TEKT5: variants seen among roughly 807,000 people sequenced by gnomAD.
The protein encoded by TEKT5 is tektin 5.
A neutral mutation model predicts 48.7 loss-of-function variants in TEKT5; 52 were observed. The ratio of observed to expected loss-of-function variants is 1.07; its 90% CI spans 0.86 to 1.35. The LOEUF is 1.35. Ranked by LOEUF, TEKT5 falls within the 40% of genes most tolerant of loss-of-function variation. The pLI is 0.00. For synonymous variants in TEKT5, 318 were observed against 267.6 expected (o/e 1.19, Z -1.84); for missense variants, 831 against 641.6 (o/e 1.30, Z -3.19).
chr16:10,637,899 C>T (rs1234493833), intron 5 of TEKT5, among the ~76,000 whole-genome samples: 1 of 152,228 alleles, frequency 6.6e-6, no homozygotes, highest in African/African-American at 2.4e-5. Flanking sequence ...CAGCCTCGAC[C>T]TCCAGGGCTC....
intron 5 of TEKT5, 136 bp from the exon 6 acceptor site, chr16:10,636,054 CT>C: frequency 7.4e-7 from 1 of 1,357,400 alleles, no homozygotes; most frequent in Non-Finnish European, 9.9e-7. Context: ...CCTTGAGCAC[CT>C]TTAGGGCAGG....
In TEKT5 at chr16:10,656,881, C is replaced by T. The variant is rs2142281614; in HGVS notation, c.1086+19078G>A. 2.0e-5 allele frequency among the ~76,000 whole-genome samples: 3 copies of T among 152,126 alleles called. No homozygotes were observed. The East Asian group carries it at 5.8e-4, about 29-fold the overall frequency. On this transcript the variant is annotated intron_variant, in intron 5 of 6. Transcript: ENST00000283025. ...TCCACCTCCTGAGTAGCTGGGACTA[C>T]AGATGCACACCACCATGCCTGGCTA... is the stretch of plus-strand genomic sequence containing the variant.
At chr16:10,628,441 G>C (rs992253341) in intron 6 of TEKT5, among the ~76,000 whole-genome samples, 2 of 152,196 alleles carry the variant, frequency 1.3e-5, no homozygotes, top group Non-Finnish European at 2.9e-5. Flanking sequence ...ATACCCAAAA[G>C]AACAGAAAAC....
Position 10,627,762 on chromosome 16 carries a change from G to C in TEKT5, c.1279C>G (p.Gln427Glu). 4 of 1,614,244 alleles carry C rather than the reference G, an allele frequency of 2.5e-6. No homozygotes were observed. The highest frequency in any genetic ancestry group is 2.5e-6 in the Non-Finnish European group (3 of 1,180,044). The change falls in exon 7 of 7, where the codon CAG becomes GAG. Residue 427 changes from glutamine to glutamate, a missense_variant. Physicochemically the swap from Gln to Glu is conservative, Grantham distance 29. Transcript: ENST00000283025. Reference sequence around the variant, plus strand: ...TCCCGCAGCCGCAGCTTGAGGGTCTGCAGGGTGTCGTCGATGGTGAACACC... The same window carrying C: ...TCCCGCAGCCGCAGCTTGAGGGTCTCCAGGGTGTCGTCGATGGTGAACACC... Reference protein sequence around the residue: ...NEVFTIDDTLQTLKLRLRETQ... With the variant: ...NEVFTIDDTLETLKLRLRETQ...
Position 10,638,283 on chromosome 16 carries a change from C to T in TEKT5, c.1087-2365G>A, listed in dbSNP as rs77250991. 6.9e-3 allele frequency among the ~76,000 whole-genome samples: 1,048 copies of T among 152,330 alleles called. 13 individuals are homozygous for T. The highest frequency in any genetic ancestry group is 0.024 in the African/African-American group (1,013 of 41,580). ...CAAACACCCGGAACTGAGACACTGG[C>T]ACTAAACGATGTCACCTGACCGTGA... On this transcript the variant is annotated intron_variant, in intron 5 of 6. Transcript: ENST00000283025.
At chr16:10,647,782 C>A (rs1034666505) in intron 5 of TEKT5, among the ~76,000 whole-genome samples, 10 of 152,196 alleles carry the variant, frequency 6.6e-5, no homozygotes, top group African/African-American at 2.4e-4. Context: ...ATCTTTTCTT[C>A]ATTCATTCAT....
At chr16:10,650,689 G>A (rs1898141379) in intron 5 of TEKT5, among the ~76,000 whole-genome samples, 1 of 151,922 alleles carries the variant, frequency 6.6e-6, no homozygotes, top group Admixed American at 6.6e-5. Context: ...TTCGAGACCA[G>A]CCTAGCCAAC....
intron 5 of TEKT5, among the ~76,000 whole-genome samples, chr16:10,642,680 A>G (rs534864117): frequency 1.4e-4 from 22 of 152,276 alleles, no homozygotes; most frequent in African/African-American, 4.6e-4. Context: ...TTGTTGTGTC[A>G]CTGGTCTGTT....
At chr16:10,688,969 G>A (rs1038338206) in intron 3 of TEKT5, among the ~76,000 whole-genome samples, 8 of 152,184 alleles carry the variant, frequency 5.3e-5, no homozygotes, top group Admixed American at 3.3e-4. Flanking sequence ...AGAAACCAGC[G>A]ATGCACGGGT....
chr16:10,663,596 G>A (rs534668856), intron 5 of TEKT5, among the ~76,000 whole-genome samples: 2 of 152,210 alleles, frequency 1.3e-5, no homozygotes, highest in South Asian at 2.1e-4. Flanking sequence ...GGAGGGACCC[G>A]GTCAGGGATT....
chr16:10,647,195 C>T (rs564921791), intron 5 of TEKT5, among the ~76,000 whole-genome samples: 5 of 151,828 alleles, frequency 3.3e-5, no homozygotes, highest in East Asian at 1.9e-4. Context: ...GTGGGCTGGG[C>T]GCGGTGGCTG....
At chr16:10,683,045 C>T (rs976578450) in intron 3 of TEKT5, among the ~76,000 whole-genome samples, 1 of 152,130 alleles carries the variant, frequency 6.6e-6, no homozygotes, top group Non-Finnish European at 1.5e-5. Context: ...ATGTACAGAA[C>T]AGAATGGTAA....
At chr16:10,673,446 C>T (rs1415659039) in intron 5 of TEKT5, among the ~76,000 whole-genome samples, 1 of 152,144 alleles carries the variant, frequency 6.6e-6, no homozygotes, top group African/African-American at 2.4e-5. Flanking sequence ...TTTGCCAACC[C>T]TGTCCTAGAG....
chr16:10,638,149 T>A (rs1254458130), intron 5 of TEKT5, among the ~76,000 whole-genome samples: 2 of 151,932 alleles, frequency 1.3e-5, no homozygotes, highest in Admixed American at 6.5e-5. Context: ...TCTGTGTGTT[T>A]GAAACTTTCC....
At chr16:10,672,869 T>C (rs565987374) in intron 5 of TEKT5, among the ~76,000 whole-genome samples, 2 of 152,076 alleles carry the variant, frequency 1.3e-5, no homozygotes, top group South Asian at 2.1e-4. Context: ...TTTTTTTTTT[T>C]TGAGACAAGA....
At position 10,682,108 on chromosome 16, in the gene TEKT5, C is replaced by T. The variant is rs920567768; in HGVS notation, c.748G>A (p.Glu250Lys). 6.2e-7 allele frequency: 1 copy of T among 1,614,146 alleles called. No individual in the cohort carries two copies. Among genetic ancestry groups the T allele is most frequent in the Non-Finnish European group, 8.5e-7 (1 of 1,180,018 alleles). Residue 250 changes from glutamate (E) to lysine (K), a missense_variant, in exon 4 of 7, where the codon GAG becomes AAG. Transcript: ENST00000283025. ...RDNRDAQHVLERDLEDKSSAQ... is the reference protein window; with the variant it reads ...RDNRDAQHVLKRDLEDKSSAQ... ...GAGCTTTTGTCTTCGAGGTCCCTCTCCAGCACGTGCTGAGCATCCCGGTTA... is the reference window on the plus strand; with the variant it reads ...GAGCTTTTGTCTTCGAGGTCCCTCTTCAGCACGTGCTGAGCATCCCGGTTA...
chr16:10,660,671 G>C (rs975556938), intron 5 of TEKT5, among the ~76,000 whole-genome samples: 4 of 35,746 alleles, frequency 1.1e-4, no homozygotes, highest in Non-Finnish European at 3.9e-4. Context: ...CTGTGTGTGT[G>C]TGTGTGTGTG....
intron 3 of TEKT5, among the ~76,000 whole-genome samples, chr16:10,684,728 G>A (rs1003392239): frequency 6.6e-6 from 1 of 152,178 alleles, no homozygotes; most frequent in Non-Finnish European, 1.5e-5. Context: ...GAGGCCTAGG[G>A]AAAGAGGAGG....
rs968501782 is a variant in TEKT5, at chr16:10,690,025, C to A, written c.565G>T (p.Val189Leu). Residue 189 changes from valine (V) to leucine (L), a missense_variant and splice_region_variant, in exon 2 of 7, where the codon GTG becomes TTG. Val to Leu is a conservative substitution (Grantham distance 32). Coordinates refer to ENST00000283025, the MANE Select transcript of TEKT5 (RefSeq NM_144674.2). ...AANEVNCPLQ[V>L]ALECLYHREK... ...CGATGGTACAGACACTCCAAGGCCA[C>A]CTGTGGGAAGCAGCAGAAAGAACGT... is the stretch of plus-strand genomic sequence containing the variant. 1 of 1,614,006 alleles carries A rather than the reference C, an allele frequency of 6.2e-7. No individual in the cohort carries two copies. Among genetic ancestry groups the A allele is most frequent in the African/African-American group, 1.3e-5 (1 of 75,018 alleles).
Sources: gnomAD v4.1 joint callset for allele counts (sites outside exome capture counted in the v4.1 genomes callset) on GRCh38, gnomAD v4.1.1 for gene constraint, MANE v1.5 for transcripts, NCBI Gene and HGNC (gene_info 2026-07-23, HGNC 2026-07-21) for gene names.